Variants in ARHGAP20 observed in about 807,000 individuals in gnomAD.
ARHGAP20 encodes the protein Rho GTPase activating protein 20.
ARHGAP20 carries 34 observed loss-of-function variants against 73.7 expected under a neutral mutation model. The ratio of observed to expected loss-of-function variants is 0.46; its 90% CI spans 0.35 to 0.61. The LOEUF is 0.61. ARHGAP20 is among the 20% of genes least tolerant of loss of function. ARHGAP20 has a pLI of 0.00. For missense variants in ARHGAP20, 1,314 were observed against 1,420.9 expected, an observed-to-expected ratio of 0.92 and a Z score of 1.21; for synonymous variants, 523 against 518.2, an observed-to-expected ratio of 1.01 and a Z score of -0.13.
chr11:110,637,882 A>C (rs1026604662), intron 2 of ARHGAP20, among the ~76,000 whole-genome samples: 19 of 152,126 alleles, frequency 1.2e-4, no homozygotes, highest in Non-Finnish European at 2.6e-4. Flanking sequence ...AAGGAACAGC[A>C]TGTCAAATAT....
intron 2 of ARHGAP20, among the ~76,000 whole-genome samples, chr11:110,635,638 A>G (rs1328745291): frequency 6.6e-6 from 1 of 152,140 alleles, no homozygotes; most frequent in Non-Finnish European, 1.5e-5. Context: ...TTAACCACAT[A>G]CTATGTATAA....
chr11:110,662,956 T>C (rs1008915072), intron 2 of ARHGAP20, among the ~76,000 whole-genome samples: 7 of 151,886 alleles, frequency 4.6e-5, no homozygotes, highest in Non-Finnish European at 8.8e-5. Flanking sequence ...CAATCCTGTA[T>C]ACCAAAGAAG....
Position 110,712,214 on chromosome 11 carries a change from G to A in ARHGAP20, c.18C>T (p.Pro6=), listed in dbSNP as rs752461063. 3.2e-5 allele frequency: 44 copies of A among 1,366,130 alleles called. No individual in the cohort carries two copies. The African/African-American group carries it at 4.3e-4, about 13-fold the overall frequency. 84.6% of individuals were successfully genotyped at this position (1,366,130 alleles called of 1,614,324 possible). A position where few individuals can be genotyped will look rare whatever the true frequency, so the allele number is the denominator to read the frequency against. Reference sequence around the variant, plus strand: ...GCTGTCCCCCTAGAGTCTCCTGCTGGGGGGACATCGCTTCCATGAAGAAAA... The same window carrying A: ...GCTGTCCCCCTAGAGTCTCCTGCTGAGGGGACATCGCTTCCATGAAGAAAA... MEAMS[P]QQETLGGQPG... The change falls in exon 1 of 15, where the codon CCC becomes CCT. Residue 6 remains proline (P), a synonymous_variant. Coordinates refer to ENST00000683387, the MANE Select transcript of ARHGAP20 (RefSeq NM_001384657.1).
chr11:110,600,426 C>A (rs541177368), intron 9 of ARHGAP20, among the ~76,000 whole-genome samples: 1 of 152,232 alleles, frequency 6.6e-6, no homozygotes, highest in African/African-American at 2.4e-5. Flanking sequence ...CATGCAGGCA[C>A]GTGCAGCTGT....
At chr11:110,615,433 G>T in intron 5 of ARHGAP20, 120 bp downstream of exon 5, 1 of 853,720 alleles carries the variant, frequency 1.2e-6, no homozygotes, top group Admixed American at 2.7e-5. Context: ...CTTATTTAGA[G>T]GTCAAATGAA....
At chr11:110,621,009 G>A (rs1948616549) in intron 4 of ARHGAP20, among the ~76,000 whole-genome samples, 1 of 146,298 alleles carries the variant, frequency 6.8e-6, no homozygotes, top group Non-Finnish European at 1.5e-5. Context: ...GGGAGGCAGA[G>A]GTTGCAGTGA....
At chr11:110,630,207 T>C (rs1009041551) in intron 3 of ARHGAP20, among the ~76,000 whole-genome samples, 19 of 152,192 alleles carry the variant, frequency 1.2e-4, no homozygotes, top group Admixed American at 1.1e-3. Flanking sequence ...TTTTCATCCT[T>C]CACTGAATTT....
chr11:110,697,766 T>C (rs1234122421), intron 1 of ARHGAP20, among the ~76,000 whole-genome samples: 1 of 151,906 alleles, frequency 6.6e-6, no homozygotes, highest in Non-Finnish European at 1.5e-5. Context: ...TTCTCTATTC[T>C]GCTCCATTGA....
intron 13 of ARHGAP20, among the ~76,000 whole-genome samples, chr11:110,583,305 T>G (rs1290772169): frequency 6.6e-6 from 1 of 152,182 alleles, no homozygotes; most frequent in African/African-American, 2.4e-5. Context: ...TCTTATCAGC[T>G]GCTTTATCAC....
Position 110,606,751 on chromosome 11 carries a change from T to G in ARHGAP20, c.776-2A>C. The G allele has an allele frequency of 1.3e-6, 2 of 1,528,818 alleles. No homozygotes were observed. Among genetic ancestry groups the G allele is most frequent in the Non-Finnish European group, 1.8e-6 (2 of 1,140,088 alleles). The allele number at this position is 1,528,818 out of a possible 1,614,324, so 94.7% of individuals were successfully genotyped here. A position where few individuals can be genotyped will look rare whatever the true frequency, so the allele number is the denominator to read the frequency against. ...TAATTCCATATGGATATTCATGCCC[T>G]ACACAGAGACAAATCTAAATGTAGA... On this transcript the variant is annotated splice_acceptor_variant, in intron 8 of 14. Coordinates refer to ENST00000683387, the MANE Select transcript of ARHGAP20 (RefSeq NM_001384657.1). LOFTEE classifies it high-confidence loss of function.
At chr11:110,643,695 T>C (rs1949123531) in intron 2 of ARHGAP20, among the ~76,000 whole-genome samples, 1 of 152,038 alleles carries the variant, frequency 6.6e-6, no homozygotes, top group Admixed American at 6.6e-5. Context: ...TGGTCAATCT[T>C]AGATAATGTT....
chr11:110,689,088 TC>T (rs1211580677), intron 2 of ARHGAP20, among the ~76,000 whole-genome samples: 2 of 149,220 alleles, frequency 1.3e-5, no homozygotes, highest in Non-Finnish European at 3.0e-5. Flanking sequence ...AAGCTCCGCC[TC>T]CCCGGTTCAC....
intron 2 of ARHGAP20, among the ~76,000 whole-genome samples, chr11:110,673,933 C>T (rs1056230121): frequency 2.7e-5 from 4 of 146,638 alleles, no homozygotes; most frequent in East Asian, 2.0e-4. Context: ...GTTGTGAGAA[C>T]GAAGGCTATT....
At chr11:110,652,709 A>G (rs11213515) in intron 2 of ARHGAP20, among the ~76,000 whole-genome samples, 38,890 of 152,100 alleles carry the variant, frequency 0.26, 5,090 homozygotes, top group Middle Eastern at 0.32. Flanking sequence ...AAGAAGAACT[A>G]CAATCCACTG....
At chr11:110,694,281 A>G (rs1950296526) in intron 1 of ARHGAP20, among the ~76,000 whole-genome samples, 1 of 151,830 alleles carries the variant, frequency 6.6e-6, no homozygotes, top group South Asian at 2.1e-4. Context: ...ACTGTTGTCT[A>G]TTTACAAATG....
rs140180025 is a variant in ARHGAP20 at position 110,640,527 on chromosome 11, C to T, written c.189-9735G>A. 4.8e-3 allele frequency among the ~76,000 whole-genome samples: 734 copies of T among 152,036 alleles called. 3 individuals carry two copies. The highest frequency in any genetic ancestry group is 0.017 in the African/African-American group (697 of 41,512). ...ACTCTATCTTATTCAGCAATGCAAT[C>T]CTATTATTTATTTATGACTATATTG... On this transcript the variant is annotated intron_variant, in intron 2 of 14. Transcript: ENST00000683387.
chr11:110,691,078 TAAAGC>T (rs1950233736), intron 1 of ARHGAP20: 2 of 1,249,928 alleles, frequency 1.6e-6, no homozygotes, highest in Admixed American at 2.7e-5. Context: ...AAAAAACAGT[TAAAGC>T]AAAAGCACAG....
At chr11:110,614,263 G>A (rs768121756) in intron 6 of ARHGAP20, among the ~76,000 whole-genome samples, 26 of 152,330 alleles carry the variant, frequency 1.7e-4, no homozygotes, top group Admixed American at 5.2e-4. Context: ...AAATATTCAT[G>A]CCAGAGGGAG....
chr11:110,656,749 T>C (rs968594022), intron 2 of ARHGAP20, among the ~76,000 whole-genome samples: 1 of 152,182 alleles, frequency 6.6e-6, no homozygotes, highest in Non-Finnish European at 1.5e-5. Flanking sequence ...CTCTCTTCCA[T>C]CTCCTGAACT....
Sources: gnomAD v4.1 joint callset for allele counts (sites outside exome capture counted in the v4.1 genomes callset) on GRCh38, gnomAD v4.1.1 for gene constraint, MANE v1.5 for transcripts, NCBI Gene and HGNC (gene_info 2026-07-23, HGNC 2026-07-21) for gene names.